Variants in ATP5MC2 observed in about 807,000 individuals in gnomAD.
ATP5MC2 encodes ATP synthase F(0) complex subunit C2, mitochondrial.
In ATP5MC2, 11 loss-of-function variants were observed where a neutral mutation model predicts 13.5. The observed-to-expected ratio is 0.81, with a 90% CI of 0.51 to 1.35. The LOEUF is 1.35. Among genes scored for constraint, ATP5MC2 ranks in the 40% most tolerant of loss-of-function variants. ATP5MC2 has a pLI of 0.00. For synonymous variants in ATP5MC2, 64 were observed against 69.7 expected (o/e 0.92, Z 0.41); for missense variants, 132 against 175.0 (o/e 0.75, Z 1.39).
chr12:53,673,472 T>C (rs1945169543), intron 1 of ATP5MC2: 2 of 152,310 alleles, frequency 1.3e-5, no homozygotes, highest in Admixed American at 1.3e-4. Context: ...AATACTTCAA[T>C]TTCCTGTATT....
chr12:53,676,002 G>A (rs1326704946), intron 1 of ATP5MC2, 51 bp downstream of exon 1: 3 of 1,596,014 alleles, frequency 1.9e-6, no homozygotes, highest in African/African-American at 1.3e-5. Context: ...AAGGTGAGGT[G>A]TCCCGCGCGC....
chr12:53,671,144 C>T (rs772994187), intron 2 of ATP5MC2, among the ~76,000 whole-genome samples: 1 of 152,174 alleles, frequency 6.6e-6, no homozygotes, highest in Non-Finnish European at 1.5e-5. Flanking sequence ...AACCCCAAGC[C>T]AGTGACACCA....
At chr12:53,668,268 A>G (rs919254759) in intron 4 of ATP5MC2, among the ~76,000 whole-genome samples, 1 of 149,932 alleles carries the variant, frequency 6.7e-6, no homozygotes, top group Non-Finnish European at 1.5e-5. Flanking sequence ...GATTACAGGC[A>G]TGAACCACCT....
intron 4 of ATP5MC2, among the ~76,000 whole-genome samples, chr12:53,667,954 CACATATATATATAT>C (rs1386265688): frequency 0.013 from 348 of 26,970 alleles, 7 homozygotes; most frequent in African/African-American, 0.026. Flanking sequence ...TACATACACA[CACATATATATATAT>C]ATATATATAT....
chr12:53,672,083 C>CAAAAAA (rs916010110), intron 2 of ATP5MC2, among the ~76,000 whole-genome samples: 1,444 of 47,020 alleles, frequency 0.031, 210 homozygotes, highest in African/African-American at 0.13. Context: ...AACTCTGTCT[C>CAAAAAA]AAAAAAAAAA....
At chr12:53,674,800 C>T (rs1945218196) in intron 1 of ATP5MC2, among the ~76,000 whole-genome samples, 1 of 152,178 alleles carries the variant, frequency 6.6e-6, no homozygotes, top group Non-Finnish European at 1.5e-5. Flanking sequence ...ATCTAGAACT[C>T]TGATTTTTGC....
chr12:53,665,482 A>G, intron 4 of ATP5MC2, 54 bp from the exon 5 acceptor site: 1 of 1,387,028 alleles, frequency 7.2e-7, no homozygotes, highest in Non-Finnish European at 1.0e-6. Flanking sequence ...AAAGAAAAGG[A>G]TAAATATCTA....
upstream of ATP5MC2, among the ~76,000 whole-genome samples, chr12:53,680,808 G>A (rs1945336344): frequency 6.6e-6 from 1 of 152,088 alleles, no homozygotes; most frequent in Non-Finnish European, 1.5e-5. Context: ...TGGTGTTGAG[G>A]ACACAGGCGT....
At chr12:53,676,410 A>G (rs1945279951), upstream of ATP5MC2, 20 of 605,576 alleles carry the variant, frequency 3.3e-5, no homozygotes, top group South Asian at 4.2e-4. Context: ...TGCCAAAACA[A>G]AACTCCTACT....
intron 1 of ATP5MC2, among the ~76,000 whole-genome samples, chr12:53,674,960 C>T (rs528701849): frequency 6.6e-6 from 1 of 152,114 alleles, no homozygotes; most frequent in Non-Finnish European, 1.5e-5. Flanking sequence ...AAATGCAGCT[C>T]TTAGGGGGAT....
upstream of ATP5MC2, chr12:53,676,320 A>C (rs773819275): frequency 2.1e-6 from 3 of 1,400,928 alleles, no homozygotes; most frequent in East Asian, 2.4e-5. Flanking sequence ...CCGATCCGTA[A>C]CGTGGACTGC....
upstream of ATP5MC2, among the ~76,000 whole-genome samples, chr12:53,680,280 C>G (rs900793534): frequency 1.8e-4 from 28 of 152,270 alleles, no homozygotes; most frequent in African/African-American, 6.7e-4. Context: ...GCCACCATGC[C>G]CAGCCACAAC....
chr12:53,672,445 C>T (rs1945129182), intron 2 of ATP5MC2, 131 bp downstream of exon 2: 1 of 983,306 alleles, frequency 1.0e-6, no homozygotes. Context: ...TGGTTTTGAA[C>T]TCCTGGCCTC....
At position 53,669,335 on chromosome 12, in the gene ATP5MC2, T is replaced by C. The variant is rs778209630; in HGVS notation, c.124A>G (p.Ser42Gly). The C allele has an allele frequency of 1.3e-5, 21 of 1,611,420 alleles. No individual in the cohort carries two copies. Among genetic ancestry groups the C allele is most frequent in the Middle Eastern group, 3.3e-4 (2 of 6,054 alleles). The change falls in exon 4 of 5, where the codon AGC (serine) becomes GGC (glycine). Residue 42 changes from serine to glycine, a missense_variant. Coordinates refer to ENST00000394349, the MANE Select transcript of ATP5MC2 (RefSeq NM_005176.7). ...RPEILTDESLSSLAVSCPLTS... is the reference protein window; with the variant it reads ...RPEILTDESLGSLAVSCPLTS... ...AGGGGACATGAGACTGCCAAGCTGCTGAGGCTCTGTGAAAAAGAGGCAGGT... is the reference window on the plus strand; with the variant it reads ...AGGGGACATGAGACTGCCAAGCTGCCGAGGCTCTGTGAAAAAGAGGCAGGT...
At chr12:53,676,129 C>T (rs746301307), upstream of ATP5MC2, 3 of 1,614,120 alleles carry the variant, frequency 1.9e-6, no homozygotes, top group African/African-American at 1.3e-5. Context: ...CATGCGTGAC[C>T]CGGGCCAACG....
intron 1 of ATP5MC2, among the ~76,000 whole-genome samples, chr12:53,675,221 CCTT>C (rs1945229375): frequency 6.6e-6 from 1 of 152,166 alleles, no homozygotes; most frequent in Admixed American, 6.5e-5. Context: ...TTTCCTTAAA[CCTT>C]CTTTTCCTTG....
At chr12:53,667,997 A>ATATATATATTT (rs1944983859) in intron 4 of ATP5MC2, among the ~76,000 whole-genome samples, 2 of 126,834 alleles carry the variant, frequency 1.6e-5, no homozygotes, top group Non-Finnish European at 1.7e-5. Context: ...ATATATATAA[A>ATATATATATTT]TTTTTTTTTT....
intron 4 of ATP5MC2, among the ~76,000 whole-genome samples, chr12:53,667,950 CACACACATATATATATATAT>C (rs1249202815): frequency 1.6e-4 from 6 of 37,266 alleles, no homozygotes; most frequent in African/African-American, 4.9e-4. Flanking sequence ...TACATACATA[CACACACATATATATATATAT>C]ATATATATAT....
chr12:53,668,947 G>A (rs1677588094), intron 4 of ATP5MC2, among the ~76,000 whole-genome samples: 1 of 152,102 alleles, frequency 6.6e-6, no homozygotes, highest in Admixed American at 6.6e-5. Flanking sequence ...TGAACCCAGA[G>A]GTAGAGGTGA....
Sources: gnomAD v4.1 joint callset for allele counts (sites outside exome capture counted in the v4.1 genomes callset) on GRCh38, gnomAD v4.1.1 for gene constraint, MANE v1.5 for transcripts, NCBI Gene and HGNC (gene_info 2026-07-23, HGNC 2026-07-21) for gene names.